SAMMSON: variants seen among roughly 807,000 people sequenced by gnomAD.
The protein encoded by SAMMSON is long intergenic non-protein coding RNA 1212.
chr3:70,281,270 A>G (rs1702079725), intron 6 of SAMMSON, among the ~76,000 whole-genome samples: 1 of 152,140 alleles, frequency 6.6e-6, no homozygotes, highest in African/African-American at 2.4e-5. Flanking sequence ...ACCTCCCCAG[A>G]TTCGTGTCAA....
At chr3:70,147,822 C>T (rs907290466) in intron 4 of SAMMSON, among the ~76,000 whole-genome samples, 4 of 151,942 alleles carry the variant, frequency 2.6e-5, no homozygotes, top group Non-Finnish European at 5.9e-5. Context: ...AAATTAAAAT[C>T]TTATGCTCTG....
At chr3:70,200,939 A>G (rs1701231316) in intron 4 of SAMMSON, among the ~76,000 whole-genome samples, 1 of 134,274 alleles carries the variant, frequency 7.4e-6, no homozygotes, top group Non-Finnish European at 1.6e-5. Flanking sequence ...CCAAAAGCCA[A>G]TCTACAGCCC....
chr3:70,402,531 T>C lies in SAMMSON; in HGVS notation n.233+44207T>C, dbSNP rs1286335781. 2.6e-5 allele frequency among the ~76,000 whole-genome samples: 4 copies of C among 152,274 alleles called. No individual in the cohort carries two copies. In the South Asian group the frequency reaches 6.2e-4, roughly 24 times the overall value. On this transcript the variant is annotated intron_variant and non_coding_transcript_variant, in intron 2 of 3. Coordinates refer to the SAMMSON transcript ENST00000641053. ...ATATATTTTAACAAAATTAGTAAAA[T>C]ATAGTACATAGTCTCTTAGGAAAAT...
At chr3:70,029,143 T>C (rs573020945) in intron 3 of SAMMSON, among the ~76,000 whole-genome samples, 2 of 152,348 alleles carry the variant, frequency 1.3e-5, no homozygotes, top group East Asian at 3.9e-4. Context: ...AGTCATAGAC[T>C]GGACTTGAAA....
chr3:70,140,850 T>G (rs1458717301), intron 4 of SAMMSON, among the ~76,000 whole-genome samples: 1 of 152,146 alleles, frequency 6.6e-6, no homozygotes, highest in Admixed American at 6.5e-5. Context: ...CATCTGAGTC[T>G]TCATCAGAAT....
At chr3:70,245,766 C>T (rs1701702347) in intron 4 of SAMMSON, among the ~76,000 whole-genome samples, 2 of 134,580 alleles carry the variant, frequency 1.5e-5, no homozygotes, top group Admixed American at 1.6e-4. Context: ...TGCTATTCTT[C>T]AAAAGGACAT....
At chr3:70,293,084 A>C (rs886162416) in intron 7 of SAMMSON, among the ~76,000 whole-genome samples, 1 of 149,948 alleles carries the variant, frequency 6.7e-6, no homozygotes, top group Admixed American at 6.7e-5. Flanking sequence ...AGCATATTAC[A>C]TGACGAGAAG....
chr3:70,187,427 CTTTTTTT>C (rs928465556), intron 4 of SAMMSON, among the ~76,000 whole-genome samples: 1 of 73,116 alleles, frequency 1.4e-5, no homozygotes, highest in Admixed American at 1.6e-4. Flanking sequence ...GGGACCAACT[CTTTTTTT>C]TTTTTTTTTT....
At chr3:70,339,564 T>A (rs1028408015) in intron 7 of SAMMSON, among the ~76,000 whole-genome samples, 6 of 151,456 alleles carry the variant, frequency 4.0e-5, no homozygotes, top group Non-Finnish European at 7.4e-5. Flanking sequence ...CAAGAAAAAA[T>A]CAAACAACCC....
At chr3:70,325,181 G>A (rs1018280568) in intron 7 of SAMMSON, among the ~76,000 whole-genome samples, 3 of 152,136 alleles carry the variant, frequency 2.0e-5, no homozygotes, top group African/African-American at 7.2e-5. Context: ...AGAACTTTAT[G>A]TTGCATAGTA....
At chr3:70,353,219 C>G (rs1353672328) in intron 7 of SAMMSON, among the ~76,000 whole-genome samples, 3 of 151,872 alleles carry the variant, frequency 2.0e-5, no homozygotes, top group East Asian at 3.9e-4. Context: ...AAAACAAAAA[C>G]TGTTCTCTGT....
chr3:70,194,538 G>T (rs1701156652), intron 4 of SAMMSON, among the ~76,000 whole-genome samples: 1 of 152,166 alleles, frequency 6.6e-6, no homozygotes, highest in Non-Finnish European at 1.5e-5. Context: ...TTCACACTTT[G>T]TATAACCGAC....
intron 3 of SAMMSON, among the ~76,000 whole-genome samples, chr3:70,022,209 G>A (rs535016315): frequency 6.9e-6 from 1 of 144,424 alleles, no homozygotes; most frequent in African/African-American, 2.6e-5. Context: ...GGATTCAAAT[G>A]ACAACGTGAT....
chr3:70,418,231 C>T lies in SAMMSON; in HGVS notation n.234-44329C>T, dbSNP rs146672314. On this transcript the variant is annotated intron_variant and non_coding_transcript_variant, in intron 2 of 3. Coordinates refer to the SAMMSON transcript ENST00000641053. ...GAAGATAGTTTCCTCCCATAAGTAA[C>T]GTAATGTCTGTTCAAGCCCAATCCA... Among the ~76,000 whole-genome samples, 485 of 152,132 alleles carry T rather than the reference C, an allele frequency of 3.2e-3. 3 individuals are homozygous for T. Among genetic ancestry groups the T allele is most frequent in the African/African-American group, 0.011 (458 of 41,452 alleles).
At chr3:70,160,083 A>G (rs1443311463) in intron 4 of SAMMSON, among the ~76,000 whole-genome samples, 2 of 151,932 alleles carry the variant, frequency 1.3e-5, no homozygotes, top group Non-Finnish European at 2.9e-5. Context: ...TTTTATCCCA[A>G]TTTATTGCTT....
chr3:70,013,127 C>A (rs952770527), intron 2 of SAMMSON, among the ~76,000 whole-genome samples: 1 of 152,004 alleles, frequency 6.6e-6, no homozygotes, highest in East Asian at 1.9e-4. Context: ...AACACTTGAA[C>A]AGTTTCTGGC....
chr3:70,178,352 T>C lies in SAMMSON; in HGVS notation n.508-70755T>C, dbSNP rs1701023949. ...ATAAATGCCAGCAAATCAGCATTTCTTAAACTGCAGTATCCTTCCTGGAAA... is the reference window on the plus strand; with the variant it reads ...ATAAATGCCAGCAAATCAGCATTTCCTAAACTGCAGTATCCTTCCTGGAAA... On this transcript the variant is annotated intron_variant and non_coding_transcript_variant, in intron 4 of 9. Coordinates refer to ENST00000642114, the Ensembl canonical transcript of SAMMSON. 2.6e-5 allele frequency among the ~76,000 whole-genome samples: 4 copies of C among 152,322 alleles called. No homozygotes were observed. The South Asian group carries it at 8.3e-4, about 32-fold the overall frequency.
At chr3:70,375,069 T>A (rs1703002422) in intron 9 of SAMMSON, among the ~76,000 whole-genome samples, 1 of 152,104 alleles carries the variant, frequency 6.6e-6, no homozygotes, top group Non-Finnish European at 1.5e-5. Flanking sequence ...AAGTCCAGAG[T>A]TTTTAGCTGT....
intron 4 of SAMMSON, among the ~76,000 whole-genome samples, chr3:70,154,211 T>C (rs2067582911): frequency 6.6e-6 from 1 of 152,024 alleles, no homozygotes; most frequent in Non-Finnish European, 1.5e-5. Context: ...TCAAGTATTA[T>C]AATAATAGCA....
Sources: allele counts gnomAD v4.1 joint callset (sites outside exome capture counted in the v4.1 genomes callset), GRCh38; gene constraint gnomAD v4.1.1; transcripts MANE v1.5; gene names NCBI Gene and HGNC (gene_info 2026-07-23, HGNC 2026-07-21).